UMAD1: variants seen among roughly 807,000 people sequenced by gnomAD.
UMAD1 encodes the protein UBAP1-MVB12-associated (UMA) domain containing 1.
A neutral mutation model predicts 6.1 loss-of-function variants in UMAD1; 8 were observed. The ratio of observed to expected loss-of-function variants is 1.30; its 90% CI spans 0.76 to 2.35. The LOEUF (loss-of-function observed/expected upper bound fraction) is 2.35, where lower values mean the gene tolerates loss of function less well. Among genes scored for constraint, UMAD1 ranks in the 30% most tolerant of loss-of-function variants. The pLI, the probability that UMAD1 is intolerant of heterozygous loss-of-function variation, is 0.00. For synonymous variants in UMAD1, 56 were observed against 31.4 expected (o/e 1.78, Z -2.61); for missense variants, 130 against 78.4 (o/e 1.66, Z -2.49).
chr7:7,822,255 A>G (rs1245735544), intron 3 of UMAD1, among the ~76,000 whole-genome samples: 1 of 152,114 alleles, frequency 6.6e-6, no homozygotes, highest in Non-Finnish European at 1.5e-5. Context: ...TGTATGAAAA[A>G]GAGAGAGGCA....
intron 3 of UMAD1, among the ~76,000 whole-genome samples, chr7:7,818,534 A>T (rs1181813148): frequency 6.6e-6 from 1 of 152,224 alleles, no homozygotes; most frequent in Non-Finnish European, 1.5e-5. Context: ...GGCAAGGTTA[A>T]GGAGAAAAGA....
At chr7:7,746,217 T>C (rs1230907958) in intron 2 of UMAD1, among the ~76,000 whole-genome samples, 2 of 152,166 alleles carry the variant, frequency 1.3e-5, no homozygotes, top group East Asian at 3.8e-4. Flanking sequence ...AGAAGAAACA[T>C]GGTAAAAGCA....
chr7:7,854,014 G>A lies in UMAD1; in HGVS notation c.157-23267G>A, dbSNP rs886533410. ...CTTTCTTTGTTGGGTGTATTAGTCC[G>A]TTCTCACGTTGCCATAAGGAAATAC... On this transcript the variant is annotated intron_variant, in intron 3 of 3. Coordinates refer to ENST00000682710, the MANE Select transcript of UMAD1 (RefSeq NM_001302348.2). Among the ~76,000 whole-genome samples, 8 of 152,076 alleles carry A rather than the reference G, an allele frequency of 5.3e-5. No homozygotes were observed. In the South Asian group the frequency reaches 6.2e-4, roughly 12 times the overall value.
At chr7:7,668,347 A>G (rs1779522333) in intron 1 of UMAD1, among the ~76,000 whole-genome samples, 1 of 152,164 alleles carries the variant, frequency 6.6e-6, no homozygotes, top group Admixed American at 6.5e-5. Context: ...TGTTTCAGTT[A>G]CTTATGGCAA....
At chr7:7,845,168 A>G (rs973608243) in intron 3 of UMAD1, among the ~76,000 whole-genome samples, 1 of 151,976 alleles carries the variant, frequency 6.6e-6, no homozygotes, top group Non-Finnish European at 1.5e-5. Context: ...TGAATTTAAA[A>G]TTTTCATTAA....
At chr7:7,842,257 G>A (rs2881965) in intron 3 of UMAD1, among the ~76,000 whole-genome samples, 51,002 of 151,886 alleles carry the variant, frequency 0.34, 9,056 homozygotes, top group East Asian at 0.57. Flanking sequence ...TGCCTTCTGC[G>A]CAGGGATGAT....
chr7:7,672,904 G>T (rs1563107368), intron 1 of UMAD1, among the ~76,000 whole-genome samples: 1 of 152,178 alleles, frequency 6.6e-6, no homozygotes, highest in African/African-American at 2.4e-5. Context: ...GTCTTATGAG[G>T]CTTAAGGTAG....
chr7:7,857,495 C>A (rs1359747318), intron 3 of UMAD1, among the ~76,000 whole-genome samples: 1 of 152,226 alleles, frequency 6.6e-6, no homozygotes, highest in African/African-American at 2.4e-5. Flanking sequence ...CAGTTGAATG[C>A]AGTCAGTCCC....
intron 2 of UMAD1, among the ~76,000 whole-genome samples, chr7:7,774,561 C>A (rs1381405132): frequency 6.6e-6 from 1 of 152,184 alleles, no homozygotes; most frequent in Non-Finnish European, 1.5e-5. Context: ...AGTTATGGAA[C>A]TGTTTGACCC....
intron 2 of UMAD1, among the ~76,000 whole-genome samples, chr7:7,695,919 T>G (rs1444182281): frequency 6.6e-6 from 1 of 151,920 alleles, no homozygotes; most frequent in Admixed American, 6.6e-5. Context: ...TGTGAAACAG[T>G]GAGATGGATC....
intron 3 of UMAD1, among the ~76,000 whole-genome samples, chr7:7,861,093 G>C (rs1050408478): frequency 1.3e-5 from 2 of 152,146 alleles, no homozygotes; most frequent in African/African-American, 2.4e-5. Context: ...CTTACCCAGG[G>C]CTTGGGGAGA....
At chr7:7,655,821 C>CTT (rs776619194) in intron 1 of UMAD1, among the ~76,000 whole-genome samples, 1 of 150,212 alleles carries the variant, frequency 6.7e-6, no homozygotes. Flanking sequence ...TTAGGACAGT[C>CTT]TCTCTCTCTC....
intron 2 of UMAD1, among the ~76,000 whole-genome samples, chr7:7,754,201 AAAAC>A (rs1189508054): frequency 6.6e-6 from 1 of 152,096 alleles, no homozygotes; most frequent in Non-Finnish European, 1.5e-5. Context: ...AGAAAGAAAA[AAAAC>A]AAAGCAAAAC....
chr7:7,806,978 C>A (rs976597097), intron 3 of UMAD1, among the ~76,000 whole-genome samples: 1 of 152,076 alleles, frequency 6.6e-6, no homozygotes, highest in Non-Finnish European at 1.5e-5. Context: ...AAAGAGGTTT[C>A]TTTTGGCAAG....
intron 3 of UMAD1, among the ~76,000 whole-genome samples, chr7:7,854,254 C>G (rs1783971537): frequency 7.0e-6 from 1 of 142,636 alleles, no homozygotes; most frequent in African/African-American, 2.6e-5. Context: ...ACTCAGGAGG[C>G]TGAGTCAGGA....
At chr7:7,693,309 A>G (rs1459865977) in intron 2 of UMAD1, among the ~76,000 whole-genome samples, 2 of 151,808 alleles carry the variant, frequency 1.3e-5, no homozygotes, top group Non-Finnish European at 2.9e-5. Flanking sequence ...CTATCTATCT[A>G]TCTATCTATC....
chr7:7,707,421 A>G (rs1469540102), intron 2 of UMAD1, among the ~76,000 whole-genome samples: 2 of 152,202 alleles, frequency 1.3e-5, no homozygotes, highest in African/African-American at 4.8e-5. Context: ...TAGCACCATC[A>G]GCAATGTTAC....
At chr7:7,786,576 C>T (rs957265365) in intron 2 of UMAD1, among the ~76,000 whole-genome samples, 5 of 152,100 alleles carry the variant, frequency 3.3e-5, no homozygotes, top group East Asian at 1.9e-4. Context: ...TCCCACCCCC[C>T]GTAAGCCTTG....
intron 2 of UMAD1, among the ~76,000 whole-genome samples, chr7:7,743,482 T>C (rs898136203): frequency 1.3e-5 from 2 of 152,128 alleles, no homozygotes; most frequent in African/African-American, 4.8e-5. Context: ...AAAGATGTTT[T>C]GATATCTTTT....
Sources: gnomAD v4.1 joint callset for allele counts (sites outside exome capture counted in the v4.1 genomes callset) on GRCh38, gnomAD v4.1.1 for gene constraint, MANE v1.5 for transcripts, NCBI Gene and HGNC (gene_info 2026-07-23, HGNC 2026-07-21) for gene names.